SPDYE5: variants seen among roughly 807,000 people sequenced by gnomAD.
The protein encoded by SPDYE5 is speedy protein E5.
In SPDYE5, 15 loss-of-function variants were observed where a neutral mutation model predicts 48.5. The ratio of observed to expected loss-of-function variants is 0.31; its 90% CI spans 0.21 to 0.48. The LOEUF (loss-of-function observed/expected upper bound fraction) is 0.48. Among genes scored for constraint, SPDYE5 ranks in the 20% least tolerant of loss-of-function variants. SPDYE5 has a pLI of 0.99. For synonymous variants in SPDYE5, 116 were observed against 200.7 expected, an observed-to-expected ratio of 0.58 and a Z score of 3.57; for missense variants, 331 against 549.1, an observed-to-expected ratio of 0.60 and a Z score of 3.97.
At chr7:75,494,324 T>C (rs1584735466) in intron 2 of SPDYE5, 117 bp downstream of exon 2, 1 of 1,379,078 alleles carries the variant, frequency 7.3e-7, no homozygotes, top group Admixed American at 2.4e-5. Flanking sequence ...GGCGGGCGGA[T>C]CACCTGAGGT....
chr7:75,497,423 ACT>A (rs1427297342), intron 4 of SPDYE5, among the ~76,000 whole-genome samples: 4 of 150,798 alleles, frequency 2.7e-5, no homozygotes, highest in South Asian at 2.1e-4. Context: ...ACAGAGCAAG[ACT>A]CTGTCTCAAA....
At position 75,497,965 on chromosome 7, in the gene SPDYE5, C is replaced by T; in HGVS notation, c.638C>T (p.Ala213Val). The part of the protein sequence containing the change: ...LEDPVIKRFL[A>V]WDKDLRVSDK... ...GATCCTGTCATTAAAAGATTCCTGGCCTGGGACAAAGATCTGAGGGTGTCG... is the reference window on the plus strand; with the variant it reads ...GATCCTGTCATTAAAAGATTCCTGGTCTGGGACAAAGATCTGAGGGTGTCG... Residue 213 changes from alanine (A) to valine (V), a missense_variant, in exon 5 of 9, where the codon GCC becomes GTC. This residue lies in a region of SPDYE5 where 16 missense variants were observed against 58.2 expected (regional missense o/e 0.27). Coordinates refer to ENST00000625065, the MANE Select transcript of SPDYE5 (RefSeq NM_001306141.4). 1 of 1,595,964 alleles carries T rather than the reference C, an allele frequency of 6.3e-7. No homozygotes were observed. The highest frequency in any genetic ancestry group is 2.2e-5 in the East Asian group (1 of 44,756).
In SPDYE5 at chr7:75,503,211, G is replaced by A; in HGVS notation, c.*424G>A. ...TTTGAAGGCACAATGCAGGGGCTCA[G>A]ATTGGCACAGATTTCTTCTGTGAAA... On this transcript the variant is annotated 3_prime_UTR_variant, in exon 9 of 9. Transcript: ENST00000625065. The A allele has an allele frequency of 5.8e-6, 2 of 346,874 alleles. No homozygotes were observed. The highest frequency in any genetic ancestry group is 1.1e-5 in the Non-Finnish European group (2 of 179,216). The allele number at this position is 346,874 out of a possible 1,614,324, so 21.5% of individuals were successfully genotyped here. A position where few individuals can be genotyped will look rare whatever the true frequency, so the allele number is the denominator to read the frequency against.
chr7:75,492,328 G>A lies in SPDYE5; in HGVS notation c.-535G>A, dbSNP rs1438375450. On this transcript the variant is annotated 5_prime_UTR_variant, in exon 1 of 9. Coordinates refer to ENST00000625065, the MANE Select transcript of SPDYE5 (RefSeq NM_001306141.4). The stretch of plus-strand genomic sequence containing the variant: ...GAAAAGCAGAGCTTCCTAACAATGG[G>A]ACTTCCACAGCAATGGGATCTGCTT... Among the ~76,000 whole-genome samples the A allele has an allele frequency of 1.3e-5, 2 of 152,088 alleles. No homozygotes were observed. Among genetic ancestry groups the A allele is most frequent in the Non-Finnish European group, 2.9e-5 (2 of 68,012 alleles).
In SPDYE5 at chr7:75,501,594, C is replaced by G. The variant is rs371522010; in HGVS notation, c.988C>G (p.Arg330Gly). ...MNPRARKNRSRIPLLRKRRFQ... is the reference protein window; with the variant it reads ...MNPRARKNRSGIPLLRKRRFQ... ...CCCGAGGGCCAGGAAGAACCGCTCT[C>G]GCATACCCTTGCTCCGTAAGCGTCG... Residue 330 changes from arginine to glycine, a missense_variant, in exon 7 of 9, where the codon CGC (arginine) becomes GGC (glycine). By Grantham distance (125) the Arg-to-Gly change is moderately radical. Coordinates refer to ENST00000625065, the MANE Select transcript of SPDYE5 (RefSeq NM_001306141.4). 2 of 1,610,690 alleles carry G rather than the reference C, an allele frequency of 1.2e-6. No individual in the cohort carries two copies. Among genetic ancestry groups the G allele is most frequent in the Non-Finnish European group, 1.7e-6 (2 of 1,178,354 alleles).
chr7:75,502,452 G>A (rs1256922848), intron 8 of SPDYE5, among the ~76,000 whole-genome samples: 2 of 152,146 alleles, frequency 1.3e-5, no homozygotes, highest in African/African-American at 2.4e-5. Context: ...CGTGGTTCGT[G>A]ATGTTGTCAC....
In SPDYE5 at chr7:75,501,619, G is replaced by C; in HGVS notation, c.1013G>C (p.Arg338Pro). Residue 338 changes from arginine to proline, a missense_variant, in exon 7 of 9, where the codon CGG becomes CCG. Coordinates refer to ENST00000625065, the MANE Select transcript of SPDYE5 (RefSeq NM_001306141.4). ...RSRIPLLRKR[R>P]FQLGRSMNLR... is the part of the protein sequence containing the mutation. The stretch of plus-strand genomic sequence containing the variant: ...CGCATACCCTTGCTCCGTAAGCGTC[G>C]GTTCCAGTTAGGCCGTTCCATGAAC... 2 of 1,613,112 alleles carry C rather than the reference G, an allele frequency of 1.2e-6. No individual in the cohort carries two copies. The highest frequency in any genetic ancestry group is 2.7e-5 in the African/African-American group (2 of 75,018).
chr7:75,491,702 A>AT (rs782071463), upstream of SPDYE5, among the ~76,000 whole-genome samples: 1,195 of 70,874 alleles, frequency 0.017, 139 homozygotes, highest in Non-Finnish European at 0.02. Flanking sequence ...CTGTTTAGCC[A>AT]TTTTTTTTTT....
At position 75,503,235 on chromosome 7, in the gene SPDYE5, A is replaced by G; in HGVS notation, c.*448A>G. On this transcript the variant is annotated 3_prime_UTR_variant, in exon 9 of 9. Transcript: ENST00000625065. ...AGATTGGCACAGATTTCTTCTGTGA[A>G]ATATCAGTGCCACAGATTGTAACAG... 1 of 335,706 alleles carries G rather than the reference A, an allele frequency of 3.0e-6. No homozygotes were observed. Among genetic ancestry groups the G allele is most frequent in the Non-Finnish European group, 5.8e-6 (1 of 173,128 alleles). The allele number at this position is 335,706 out of a possible 1,614,324, so 20.8% of individuals were successfully genotyped here.
intron 8 of SPDYE5, among the ~76,000 whole-genome samples, chr7:75,502,582 C>T (rs587766140): frequency 2.6e-5 from 4 of 151,924 alleles, no homozygotes; most frequent in Admixed American, 2.6e-4. Flanking sequence ...GCAGACCCAC[C>T]CAAAGTCCTT....
At position 75,503,547 on chromosome 7, in the gene SPDYE5, TC is replaced by T. The variant is rs1446985034; in HGVS notation, c.*762del. 1 of 151,820 alleles carries T rather than the reference TC, an allele frequency of 6.6e-6. No homozygotes were observed. Among genetic ancestry groups the T allele is most frequent in the Non-Finnish European group, 1.5e-5 (1 of 67,978 alleles). 9.4% of individuals were successfully genotyped at this position (151,820 alleles called of 1,614,324 possible). On this transcript the variant is annotated 3_prime_UTR_variant, in exon 9 of 9. Transcript: ENST00000625065. The stretch of plus-strand genomic sequence containing the variant: ...GAGCACTCTTTTTATCTATGATACT[TC>T]CATAATAATCTCTTCTATTTATAGC...
chr7:75,496,618 G>C lies in SPDYE5; in HGVS notation c.380-56G>C. 3.1e-6 allele frequency: 5 copies of C among 1,597,178 alleles called. No individual in the cohort carries two copies. In the South Asian group the frequency reaches 3.3e-5, roughly 11 times the overall value. ...AGAGTGGTTTGGGGTTTTGGGTTGGGCTCTAGTGTGATCAACTGCAGAAGC... is the reference window on the plus strand; with the variant it reads ...AGAGTGGTTTGGGGTTTTGGGTTGGCCTCTAGTGTGATCAACTGCAGAAGC... On this transcript the variant is annotated intron_variant, in intron 3 of 8. Coordinates refer to ENST00000625065, the MANE Select transcript of SPDYE5 (RefSeq NM_001306141.4).
In SPDYE5 at chr7:75,501,379, T is replaced by C. The variant is rs587688003; in HGVS notation, c.773T>C (p.Met258Thr). Residue 258 changes from methionine to threonine, a missense_variant, in exon 7 of 9, where the codon ATG becomes ACG. Physicochemically the swap from Met to Thr is moderately conservative, Grantham distance 81. This residue lies in a region of SPDYE5 where 70 missense variants were observed against 87.6 expected (regional missense o/e 0.80). Coordinates refer to ENST00000625065, the MANE Select transcript of SPDYE5 (RefSeq NM_001306141.4). ...GTCCTCAGCTACCTGGCCAATGACATGGAGGAGGACGACGAGGACTCCAAA... is the reference window on the plus strand; with the variant it reads ...GTCCTCAGCTACCTGGCCAATGACACGGAGGAGGACGACGAGGACTCCAAA... ...FFLALYLAND[M>T]EEDDEDSKQN... 15 of 1,612,238 alleles carry C rather than the reference T, an allele frequency of 9.3e-6. 1 individual carries two copies. In the East Asian group the frequency reaches 2.9e-4, roughly 31 times the overall value.
Position 75,501,670 on chromosome 7 carries a change from A to C in SPDYE5, c.1064A>C (p.Gln355Pro). The change falls in exon 7 of 9, where the codon CAG (glutamine) becomes CCG (proline). Residue 355 changes from glutamine to proline, a missense_variant. By Grantham distance (76) the Gln-to-Pro change is moderately conservative. Around this residue, in one of 8 missense-constraint regions of SPDYE5, gnomAD observed 101 missense variants for 104.0 expected, o/e 0.97. Coordinates refer to ENST00000625065, the MANE Select transcript of SPDYE5 (RefSeq NM_001306141.4). ...CTGAGGGCCAGGAAGAACCGCTCTC[A>C]GATAGTCCTGTTCCAGAAACGTCGG... ...MNLRARKNRS[Q>P]IVLFQKRRFQ... The C allele has an allele frequency of 6.2e-7, 1 of 1,613,380 alleles. No individual in the cohort carries two copies. The highest frequency in any genetic ancestry group is 8.5e-7 in the Non-Finnish European group (1 of 1,179,872).
chr7:75,493,041 A>G (rs1444544916), intron 1 of SPDYE5, among the ~76,000 whole-genome samples: 2 of 151,928 alleles, frequency 1.3e-5, no homozygotes, highest in African/African-American at 2.4e-5. Flanking sequence ...GCCTCAGGCA[A>G]TCTTCCTCCC....
Position 75,495,342 on chromosome 7 carries a change from C to G in SPDYE5, c.347C>G (p.Pro116Arg). The G allele has an allele frequency of 6.3e-7, 1 of 1,597,602 alleles. No individual in the cohort carries two copies. Among genetic ancestry groups the G allele is most frequent in the Non-Finnish European group, 8.5e-7 (1 of 1,179,918 alleles). The change falls in exon 3 of 9, where the codon CCT (proline) becomes CGT (arginine). Residue 116 changes from proline to arginine, a missense_variant. This residue lies in a region of SPDYE5 where 65 missense variants were observed against 138.2 expected (regional missense o/e 0.47). Transcript: ENST00000625065. ...LKQQRVSPIL[P>R]EHHKGFNSQL... The stretch of plus-strand genomic sequence containing the variant: ...CAACAGCGAGTGTCACCCATCCTCC[C>G]TGAGCACCACAAGGGCTTCAACAGT...
chr7:75,502,389 G>C (rs1377172736), intron 8 of SPDYE5, among the ~76,000 whole-genome samples: 4 of 152,154 alleles, frequency 2.6e-5, no homozygotes, highest in Non-Finnish European at 4.4e-5. Context: ...GGTGAGCACA[G>C]AGCATAAGAC....
At chr7:75,493,232 C>T (rs1345039414) in intron 1 of SPDYE5, among the ~76,000 whole-genome samples, 5 of 151,210 alleles carry the variant, frequency 3.3e-5, no homozygotes, top group Admixed American at 1.3e-4. Flanking sequence ...GTTTCTTAGC[C>T]GAACTGGAGG....
At position 75,503,828 on chromosome 7, in the gene SPDYE5, A is replaced by T. The variant is rs1476666242; in HGVS notation, c.*1041A>T. ...TATTTATTTAAATATTATTACTTGA[A>T]ATATTATTTTAAATATTTTTGAAAT... On this transcript the variant is annotated 3_prime_UTR_variant, in exon 9 of 9. Transcript: ENST00000625065. 1.8e-4 allele frequency: 27 copies of T among 150,488 alleles called. No homozygotes were observed. Among genetic ancestry groups the T allele is most frequent in the Non-Finnish European group, 3.1e-4 (21 of 67,642 alleles). The allele number at this position is 150,488 out of a possible 1,614,324, so 9.3% of individuals were successfully genotyped here. A position where few individuals can be genotyped will look rare whatever the true frequency, so the allele number is the denominator to read the frequency against.
Sources: allele counts gnomAD v4.1 joint callset (sites outside exome capture counted in the v4.1 genomes callset), GRCh38; gene constraint gnomAD v4.1.1; regional missense constraint gnomAD v4.1.1; transcripts MANE v1.5; gene names NCBI Gene and HGNC (gene_info 2026-07-23, HGNC 2026-07-21).